NTAQ1: variants seen among roughly 807,000 people sequenced by gnomAD.
The protein encoded by NTAQ1 is protein N-terminal glutamine amidohydrolase.
A neutral mutation model predicts 28.2 loss-of-function variants in NTAQ1; 21 were observed. That is an observed-to-expected ratio of 0.74 (90% confidence interval 0.53 to 1.07). The LOEUF (loss-of-function observed/expected upper bound fraction) is 1.07, where lower values mean the gene tolerates loss of function less well. Ranked by LOEUF, NTAQ1 falls within the 50% of genes least tolerant of loss-of-function variation. NTAQ1 has a pLI of 0.00. For synonymous variants in NTAQ1, 105 were observed against 90.0 expected (o/e 1.17, Z -0.94); for missense variants, 264 against 256.6 (o/e 1.03, Z -0.20).
At chr8:123,424,845 G>A (rs1044612458) in intron 1 of NTAQ1, among the ~76,000 whole-genome samples, 6 of 152,092 alleles carry the variant, frequency 3.9e-5, no homozygotes, top group African/African-American at 1.2e-4. Flanking sequence ...TATGATGCTT[G>A]CCAGTTATGG....
At chr8:123,428,066 G>C (rs997008546) in intron 2 of NTAQ1, 43 bp downstream of exon 2, 1 of 1,396,310 alleles carries the variant, frequency 7.2e-7, no homozygotes, top group Admixed American at 2.3e-5. Context: ...AGAGATTTAG[G>C]ATGACATTAG....
At chr8:123,450,598 G>A (rs1458585313), downstream of NTAQ1, among the ~76,000 whole-genome samples, 1 of 152,072 alleles carries the variant, frequency 6.6e-6, no homozygotes, top group Non-Finnish European at 1.5e-5. Flanking sequence ...CTGAAGCAGG[G>A]CAAACACTCC....
At chr8:123,423,231 C>G (rs1416021886) in intron 1 of NTAQ1, among the ~76,000 whole-genome samples, 1 of 144,330 alleles carries the variant, frequency 6.9e-6, no homozygotes, top group Admixed American at 6.9e-5. Context: ...TTCCTTCCCT[C>G]TCTCCCTCCT....
intron 4 of NTAQ1, 63 bp downstream of exon 4, chr8:123,436,664 G>T (rs1814734517): frequency 6.6e-7 from 1 of 1,517,226 alleles, no homozygotes; most frequent in African/African-American, 1.5e-5. Flanking sequence ...TTCCACAGAG[G>T]TTCTTTTTTT....
At chr8:123,449,960 T>TAG (rs2130374407), downstream of NTAQ1, among the ~76,000 whole-genome samples, 1 of 54,752 alleles carries the variant, frequency 1.8e-5, no homozygotes, top group East Asian at 1.3e-3. Flanking sequence ...CATATATATA[T>TAG]ATATATATAT....
intron 3 of NTAQ1, among the ~76,000 whole-genome samples, chr8:123,433,568 C>G (rs1298870886): frequency 1.3e-5 from 2 of 152,174 alleles, no homozygotes; most frequent in African/African-American, 4.8e-5. Context: ...GTGCCTCAGC[C>G]TCCTGAGTAG....
At chr8:123,453,425 C>CT (rs33984349) in intron 6 of NTAQ1, among the ~76,000 whole-genome samples, 129,025 of 144,922 alleles carry the variant, frequency 0.89, 57,561 homozygotes, top group East Asian at 0.99. Flanking sequence ...TGTTTTGTTG[C>CT]TTTTTTTTTT....
chr8:123,416,974 CG>C, intron 1 of NTAQ1, 42 bp downstream of exon 1: 1 of 1,400,604 alleles, frequency 7.1e-7, no homozygotes, highest in Non-Finnish European at 9.3e-7. Flanking sequence ...CCCAGGCTCC[CG>C]GGCGGCGAGT....
intron 6 of NTAQ1, among the ~76,000 whole-genome samples, chr8:123,453,175 C>T (rs1168112842): frequency 6.6e-6 from 1 of 152,160 alleles, no homozygotes; most frequent in African/African-American, 2.4e-5. Flanking sequence ...TATGTTTGAC[C>T]TCCTTGGGGC....
intron 3 of NTAQ1, among the ~76,000 whole-genome samples, chr8:123,433,023 T>C (rs1307979767): frequency 6.6e-6 from 1 of 152,144 alleles, no homozygotes; most frequent in Non-Finnish European, 1.5e-5. Flanking sequence ...AAAACATGCC[T>C]ATAGTCCTTC....
At chr8:123,460,432 C>T (rs1387589016) in intron 6 of NTAQ1, among the ~76,000 whole-genome samples, 2 of 152,152 alleles carry the variant, frequency 1.3e-5, no homozygotes, top group African/African-American at 4.8e-5. Flanking sequence ...GATTCAGTCA[C>T]ACTGGAATAA....
intron 1 of NTAQ1, 78 bp from the exon 2 acceptor site, chr8:123,427,846 C>A: frequency 8.2e-7 from 1 of 1,216,980 alleles, no homozygotes; most frequent in Non-Finnish European, 1.2e-6. Flanking sequence ...TTTTTGATGT[C>A]ATCATCAGTA....
intron 1 of NTAQ1, among the ~76,000 whole-genome samples, chr8:123,418,785 A>G (rs186133465): frequency 1.3e-5 from 2 of 152,056 alleles, no homozygotes; most frequent in Admixed American, 6.6e-5. Flanking sequence ...AGAGATGACC[A>G]CTCTACCACA....
At chr8:123,453,417 T>C (rs550233923) in intron 6 of NTAQ1, among the ~76,000 whole-genome samples, 10 of 112,664 alleles carry the variant, frequency 8.9e-5, no homozygotes, top group East Asian at 3.0e-4. Context: ...AGGTGAAGTG[T>C]TTTGTTGCTT....
intron 1 of NTAQ1, 135 bp downstream of exon 1, chr8:123,417,067 G>C (rs1813343070): frequency 2.3e-6 from 2 of 851,378 alleles, no homozygotes; most frequent in Admixed American, 7.8e-5. Flanking sequence ...TTTTGCGGGA[G>C]GAGGGAGCGG....
exon 7 of NTAQ1, among the ~76,000 whole-genome samples, chr8:123,467,694 G>A (rs1418338983): frequency 6.6e-6 from 1 of 152,192 alleles, no homozygotes; most frequent in African/African-American, 2.4e-5. Context: ...GAAAGGGAGA[G>A]GCAAGGGCCA....
At chr8:123,468,991 A>G (rs769942588) in exon 7 of NTAQ1, among the ~76,000 whole-genome samples, 6 of 152,074 alleles carry the variant, frequency 3.9e-5, no homozygotes, top group Non-Finnish European at 5.9e-5. Flanking sequence ...ACATCTTTTC[A>G]TGTGCTTGTT....
intron 6 of NTAQ1, among the ~76,000 whole-genome samples, chr8:123,457,348 T>G (rs1815678979): frequency 6.6e-6 from 1 of 152,136 alleles, no homozygotes; most frequent in South Asian, 2.1e-4. Flanking sequence ...ATTACAGGCA[T>G]AAGCCACTGC....
At chr8:123,431,671 A>G (rs1465904490) in intron 3 of NTAQ1, among the ~76,000 whole-genome samples, 1 of 152,158 alleles carries the variant, frequency 6.6e-6, no homozygotes, top group African/African-American at 2.4e-5. Flanking sequence ...AGTTAGGCAT[A>G]CTGGGTTTAA....
Sources: allele counts gnomAD v4.1 joint callset (sites outside exome capture counted in the v4.1 genomes callset), GRCh38; gene constraint gnomAD v4.1.1; transcripts MANE v1.5; gene names NCBI Gene and HGNC (gene_info 2026-07-23, HGNC 2026-07-21).